Variants in SIGLECL1 observed in about 807,000 individuals in gnomAD.
SIGLECL1 encodes SIGLEC family like 1.
A neutral mutation model predicts 19.1 loss-of-function variants in SIGLECL1; 16 were observed. The observed-to-expected ratio is 0.84, with a 90% CI of 0.57 to 1.27. SIGLECL1 has a LOEUF of 1.27. Among genes scored for constraint, SIGLECL1 ranks in the 50% most tolerant of loss-of-function variants. The pLI is 0.00. For missense variants in SIGLECL1, 210 were observed against 239.4 expected, an observed-to-expected ratio of 0.88 and a Z score of 0.81; for synonymous variants, 89 against 90.4, an observed-to-expected ratio of 0.98 and a Z score of 0.09.
chr19:51,254,774 C>T (rs1421697596), intron 1 of SIGLECL1, among the ~76,000 whole-genome samples: 2 of 151,786 alleles, frequency 1.3e-5, no homozygotes, highest in Non-Finnish European at 2.9e-5. Flanking sequence ...ATTGTGTGCA[C>T]TTTAAAATGG....
chr19:51,266,157 C>A (rs896173034), intron 4 of SIGLECL1, among the ~76,000 whole-genome samples: 1 of 152,104 alleles, frequency 6.6e-6, no homozygotes, highest in Non-Finnish European at 1.5e-5. Context: ...GCAGCGAGTC[C>A]CCGGGGTGCT....
chr19:51,258,845 G>C (rs953706917), intron 1 of SIGLECL1, among the ~76,000 whole-genome samples: 1 of 152,194 alleles, frequency 6.6e-6, no homozygotes, highest in Non-Finnish European at 1.5e-5. Flanking sequence ...ATTAGGTGGA[G>C]CAGTGAGAAC....
chr19:51,265,228 G>A (rs1225499882), intron 2 of SIGLECL1, 140 bp from the exon 3 acceptor site: 5 of 869,434 alleles, frequency 5.8e-6, no homozygotes, highest in Non-Finnish European at 9.0e-6. Flanking sequence ...ACTGGTCTGG[G>A]AGGCCTGAAT....
At chr19:51,259,953 T>A (rs1983090811) in intron 1 of SIGLECL1, among the ~76,000 whole-genome samples, 1 of 152,236 alleles carries the variant, frequency 6.6e-6, no homozygotes, top group Non-Finnish European at 1.5e-5. Context: ...TTTGGAAGAC[T>A]GGCACTCATA....
upstream of SIGLECL1, chr19:51,246,543 G>T (rs1982264641): frequency 6.6e-6 from 1 of 152,062 alleles, no homozygotes; most frequent in South Asian, 2.1e-4. Flanking sequence ...GAACAGGCAG[G>T]CCTCCATAAC....
At chr19:51,256,414 G>T (rs1052448377) in intron 1 of SIGLECL1, among the ~76,000 whole-genome samples, 2 of 152,216 alleles carry the variant, frequency 1.3e-5, no homozygotes, top group Non-Finnish European at 2.9e-5. Context: ...AAACAAGTCA[G>T]ACACAGAAAG....
intron 1 of SIGLECL1, among the ~76,000 whole-genome samples, chr19:51,256,194 G>T (rs1004509085): frequency 2.0e-5 from 3 of 152,020 alleles, no homozygotes; most frequent in African/African-American, 7.3e-5. Context: ...TATCTGTGTG[G>T]AGTTTGCATG....
upstream of SIGLECL1, among the ~76,000 whole-genome samples, chr19:51,250,156 G>A (rs978109093): frequency 6.6e-6 from 1 of 151,284 alleles, no homozygotes; most frequent in Non-Finnish European, 1.5e-5. Flanking sequence ...GTGCAATCTC[G>A]GCTCACTGCA....
chr19:51,251,253 G>A lies in SIGLECL1; in HGVS notation c.-483G>A, dbSNP rs748844757. The A allele has an allele frequency of 1.3e-5, 2 of 152,800 alleles. No individual in the cohort carries two copies. Among genetic ancestry groups the A allele is most frequent in the African/African-American group, 4.8e-5 (2 of 41,450 alleles). 9.5% of individuals were successfully genotyped at this position (152,800 alleles called of 1,614,324 possible). A position where few individuals can be genotyped will look rare whatever the true frequency, so the allele number is the denominator to read the frequency against. The stretch of plus-strand genomic sequence containing the variant: ...GTTGTTGGGTCCCTGGCAGTTGTTG[G>A]CGGTTGTTGGGTTCCTTCATTGAAA... On this transcript the variant is annotated 5_prime_UTR_variant, in exon 1 of 6. Coordinates refer to ENST00000601727, the MANE Select transcript of SIGLECL1 (RefSeq NM_001385465.1).
chr19:51,256,395 T>C (rs1372076718), intron 1 of SIGLECL1, among the ~76,000 whole-genome samples: 4 of 152,242 alleles, frequency 2.6e-5, no homozygotes, highest in African/African-American at 9.6e-5. Flanking sequence ...AAAGACATTA[T>C]GCTATGTGAA....
chr19:51,250,488 T>C (rs1008509967), upstream of SIGLECL1, among the ~76,000 whole-genome samples: 1 of 152,188 alleles, frequency 6.6e-6, no homozygotes, highest in Non-Finnish European at 1.5e-5. Context: ...GCCTTAGCCC[T>C]CTGGGAATGC....
Position 51,251,389 on chromosome 19 carries a change from G to C in SIGLECL1, c.-347G>C, listed in dbSNP as rs1156826573. ...GCTCTCGTGCCAGTGAGGCCCCTGAGAGCCCTTTGGTCAGACAGAGGCTAA... is the reference window on the plus strand; with the variant it reads ...GCTCTCGTGCCAGTGAGGCCCCTGACAGCCCTTTGGTCAGACAGAGGCTAA... On this transcript the variant is annotated 5_prime_UTR_variant, in exon 1 of 6. Transcript: ENST00000601727. The C allele has an allele frequency of 6.5e-6, 1 of 152,716 alleles. No homozygotes were observed. The highest frequency in any genetic ancestry group is 2.1e-4 in the South Asian group (1 of 4,834). The allele number at this position is 152,716 out of a possible 1,614,324, so 9.5% of individuals were successfully genotyped here.
chr19:51,254,035 A>C (rs1982650040), intron 1 of SIGLECL1, among the ~76,000 whole-genome samples: 2 of 152,226 alleles, frequency 1.3e-5, no homozygotes, highest in African/African-American at 2.4e-5. Context: ...CAATTGATTC[A>C]CAGCAGGGCA....
At chr19:51,247,643 C>T (rs1442056480), upstream of SIGLECL1, among the ~76,000 whole-genome samples, 6 of 152,216 alleles carry the variant, frequency 3.9e-5, no homozygotes, top group Non-Finnish European at 8.8e-5. Context: ...GTCTCGAACT[C>T]CTGACCTCAG....
Position 51,265,807 on chromosome 19 carries a change from T to G in SIGLECL1, c.335T>G (p.Val112Gly), listed in dbSNP as rs755691515. The G allele has an allele frequency of 6.2e-7, 1 of 1,614,198 alleles. No individual in the cohort carries two copies. The highest frequency in any genetic ancestry group is 2.2e-5 in the East Asian group (1 of 44,884). The change falls in exon 4 of 6, where the codon GTG (valine) becomes GGG (glycine). Residue 112 changes from valine to glycine, a missense_variant. Val to Gly is a moderately radical substitution (Grantham distance 109). Transcript: ENST00000601727. Reference sequence around the variant, plus strand: ...AGTTCTTTGGCTGCCCAGGCCTTCGTGAAAGGGCTGATCCAGGGTGCTATC... The same window carrying G: ...AGTTCTTTGGCTGCCCAGGCCTTCGGGAAAGGGCTGATCCAGGGTGCTATC... ...RKSSLAAQAF[V>G]KGLIQGAIYA...
At chr19:51,259,570 G>A (rs562728896) in intron 1 of SIGLECL1, among the ~76,000 whole-genome samples, 1 of 152,296 alleles carries the variant, frequency 6.6e-6, no homozygotes, top group African/African-American at 2.4e-5. Context: ...TGGGATTTGG[G>A]GCCAGAAAAT....
At chr19:51,265,922 C>T (rs770762917) in intron 4 of SIGLECL1, 40 bp downstream of exon 4, 37 of 1,601,744 alleles carry the variant, frequency 2.3e-5, no homozygotes, top group Admixed American at 2.0e-4. Context: ...AGCCTACTAC[C>T]GGGCAGGCCC....
At chr19:51,268,548 T>C (rs2123464016) in intron 5 of SIGLECL1, 23 bp from the exon 6 acceptor site, 1 of 1,613,950 alleles carries the variant, frequency 6.2e-7, no homozygotes. Flanking sequence ...TTTTCTTTGT[T>C]CTATTTTGCA....
chr19:51,253,250 A>G (rs1182794944), intron 1 of SIGLECL1, among the ~76,000 whole-genome samples: 1 of 152,184 alleles, frequency 6.6e-6, no homozygotes. Context: ...CTTAACAACA[A>G]CTCTAAGATG....
Sources: allele counts gnomAD v4.1 joint callset (sites outside exome capture counted in the v4.1 genomes callset), GRCh38; gene constraint gnomAD v4.1.1; transcripts MANE v1.5; gene names NCBI Gene and HGNC (gene_info 2026-07-23, HGNC 2026-07-21).